Variants in IGF1R observed in about 807,000 individuals in gnomAD.
The protein encoded by IGF1R is insulin-like growth factor 1 receptor.
In IGF1R, 44 loss-of-function variants were observed where a neutral mutation model predicts 144.6. The ratio of observed to expected loss-of-function variants is 0.30; its 90% CI spans 0.24 to 0.39. IGF1R has a LOEUF of 0.39. Ranked by LOEUF, IGF1R falls within the 10% of genes least tolerant of loss-of-function variation. The pLI, the probability that IGF1R is intolerant of heterozygous loss-of-function variation, is 1.00. For missense variants in IGF1R, 1,355 were observed against 1,833.7 expected (o/e 0.74, Z 4.77); for synonymous variants, 795 against 722.8 (o/e 1.10, Z -1.60).
In IGF1R at chr15:98,649,351, C is replaced by T. The variant is rs1269312881; in HGVS notation, c.-231C>T. 1.3e-5 allele frequency: 3 copies of T among 227,788 alleles called. No homozygotes were observed. The highest frequency in any genetic ancestry group is 2.5e-5 in the Non-Finnish European group (3 of 118,008). The allele number at this position is 227,788 out of a possible 1,614,324, so 14.1% of individuals were successfully genotyped here. A position where few individuals can be genotyped will look rare whatever the true frequency, so the allele number is the denominator to read the frequency against. On this transcript the variant is annotated 5_prime_UTR_variant, in exon 1 of 21. Transcript: ENST00000650285. The stretch of plus-strand genomic sequence containing the variant: ...GTTCCCGACTCCGCCGAGCCCTGGG[C>T]CGCTGCTGCCGGCGCTGAGGGGCCG...
rs751193576 is a variant in IGF1R, at chr15:98,948,686, C to A, written c.3700C>A (p.Pro1234Thr). The A allele has an allele frequency of 2.5e-6, 4 of 1,614,162 alleles. No homozygotes were observed. In the East Asian group the frequency reaches 8.9e-5, roughly 36 times the overall value. Residue 1234 changes from proline (P) to threonine (T), a missense_variant, in exon 20 of 21, where the codon CCA becomes ACA. Physicochemically the swap from Pro to Thr is conservative, Grantham distance 38. This residue lies in a region of IGF1R where 219 missense variants were observed against 188.8 expected (regional missense o/e 1.16). Coordinates refer to ENST00000650285, the MANE Select transcript of IGF1R (RefSeq NM_000875.5). ...FVMEGGLLDK[P>T]DNCPDMLFEL... Reference sequence around the variant, plus strand: ...CATGGAGGGCGGCCTTCTGGACAAGCCAGACAACTGTCCTGACATGCTGTA... The same window carrying A: ...CATGGAGGGCGGCCTTCTGGACAAGACAGACAACTGTCCTGACATGCTGTA...
chr15:98,810,223 A>G (rs891857705), intron 2 of IGF1R, among the ~76,000 whole-genome samples: 2 of 151,998 alleles, frequency 1.3e-5, no homozygotes, highest in East Asian at 3.9e-4. Flanking sequence ...CTGCTTTCCT[A>G]AGGGGTCCGT....
chr15:98,656,665 A>G (rs541777171), intron 1 of IGF1R, among the ~76,000 whole-genome samples: 98 of 152,294 alleles, frequency 6.4e-4, no homozygotes, highest in Middle Eastern at 6.8e-3. Context: ...GCTAATCCAG[A>G]AAGTTCTTGC....
chr15:98,674,658 T>C (rs2052986245), intron 1 of IGF1R, among the ~76,000 whole-genome samples: 1 of 152,200 alleles, frequency 6.6e-6, no homozygotes, highest in Admixed American at 6.5e-5. Context: ...ATTGCTTTTT[T>C]CAAATTATAA....
intron 2 of IGF1R, among the ~76,000 whole-genome samples, chr15:98,765,302 C>T (rs2055407734): frequency 7.3e-6 from 1 of 136,556 alleles, no homozygotes; most frequent in South Asian, 2.3e-4. Flanking sequence ...ATGATCATGC[C>T]AACACCTTTT....
intron 2 of IGF1R, among the ~76,000 whole-genome samples, chr15:98,773,153 C>G (rs1368154064): frequency 6.6e-6 from 1 of 152,084 alleles, no homozygotes; most frequent in East Asian, 1.9e-4. Flanking sequence ...GTACTCAGTT[C>G]TTTTTTGTTT....
intron 1 of IGF1R, among the ~76,000 whole-genome samples, chr15:98,698,102 G>A (rs1347598515): frequency 6.7e-6 from 1 of 148,550 alleles, no homozygotes; most frequent in Non-Finnish European, 1.5e-5. Flanking sequence ...GCCGTGGTGC[G>A]ATCTTGGCTC....
chr15:98,764,766 G>T (rs1407130329), intron 2 of IGF1R, among the ~76,000 whole-genome samples: 1 of 151,954 alleles, frequency 6.6e-6, no homozygotes, highest in Non-Finnish European at 1.5e-5. Context: ...CTTCCTCTTT[G>T]GTATATATGG....
At chr15:98,725,483 A>G (rs545759122) in intron 2 of IGF1R, among the ~76,000 whole-genome samples, 2 of 152,198 alleles carry the variant, frequency 1.3e-5, no homozygotes, top group Non-Finnish European at 2.9e-5. Context: ...AGTTCCTCCC[A>G]CAGTGCTTCT....
chr15:98,894,035 C>T (rs766139229), intron 3 of IGF1R, among the ~76,000 whole-genome samples: 1 of 152,116 alleles, frequency 6.6e-6, no homozygotes, highest in Non-Finnish European at 1.5e-5. Flanking sequence ...TGCTTGATGA[C>T]TCCTAGACTT....
chr15:98,682,678 G>A (rs1029942872), intron 1 of IGF1R, among the ~76,000 whole-genome samples: 1 of 151,994 alleles, frequency 6.6e-6, no homozygotes, highest in Non-Finnish European at 1.5e-5. Context: ...CTTCCAGGTA[G>A]CTGGGATTAC....
chr15:98,651,364 G>C (rs899595752), intron 1 of IGF1R, among the ~76,000 whole-genome samples: 7 of 152,232 alleles, frequency 4.6e-5, no homozygotes, highest in South Asian at 2.1e-4. Flanking sequence ...CCTGCTCTTT[G>C]TTTTCTAAAC....
At chr15:98,751,515 A>AT (rs1276736276) in intron 2 of IGF1R, among the ~76,000 whole-genome samples, 1 of 152,166 alleles carries the variant, frequency 6.6e-6, no homozygotes, top group African/African-American at 2.4e-5. Flanking sequence ...GTGACATGGG[A>AT]TGAAGGAACC....
At chr15:98,942,303 G>T (rs540506880) in intron 18 of IGF1R, among the ~76,000 whole-genome samples, 4 of 152,192 alleles carry the variant, frequency 2.6e-5, no homozygotes, top group African/African-American at 9.6e-5. Context: ...TTCTTAAATT[G>T]TGGGACTCTA....
At chr15:98,950,973 G>T (rs892509744) in intron 20 of IGF1R, among the ~76,000 whole-genome samples, 29 of 152,342 alleles carry the variant, frequency 1.9e-4, no homozygotes, top group African/African-American at 6.5e-4. Flanking sequence ...CCAGCGGAGG[G>T]CATGGGGTGG....
chr15:98,673,898 T>C (rs1461505368), intron 1 of IGF1R, among the ~76,000 whole-genome samples: 2 of 152,206 alleles, frequency 1.3e-5, no homozygotes, highest in Non-Finnish European at 2.9e-5. Context: ...CCTCATCCAG[T>C]GAACTTTCCA....
intron 6 of IGF1R, among the ~76,000 whole-genome samples, chr15:98,909,261 C>CTTTTTTTTTTTTTTTTTTTTTTTT (rs752298130): frequency 6.5e-5 from 6 of 91,758 alleles, no homozygotes; most frequent in African/African-American, 2.0e-4. Context: ...CTTTTTTTTT[C>CTTTTTTTTTTTTTTTTTTTTTTTT]TTTTTTTTTT....
At chr15:98,876,462 T>C (rs1253435243) in intron 2 of IGF1R, among the ~76,000 whole-genome samples, 3 of 152,170 alleles carry the variant, frequency 2.0e-5, no homozygotes, top group African/African-American at 4.8e-5. Flanking sequence ...GATGGGGTTT[T>C]AGCACTTCTA....
intron 2 of IGF1R, among the ~76,000 whole-genome samples, chr15:98,740,386 A>T (rs898729690): frequency 1.3e-5 from 2 of 152,252 alleles, no homozygotes; most frequent in Non-Finnish European, 2.9e-5. Flanking sequence ...AAAGCATTTA[A>T]CAGGTCAAGG....
Sources: allele counts gnomAD v4.1 joint callset (sites outside exome capture counted in the v4.1 genomes callset), GRCh38; gene constraint gnomAD v4.1.1; regional missense constraint gnomAD v4.1.1; transcripts MANE v1.5; gene names NCBI Gene and HGNC (gene_info 2026-07-23, HGNC 2026-07-21).